The following PODN variants were observed in gnomAD, a reference collection of about 807,000 sequenced individuals.
The protein encoded by PODN is podocan proteoglycan.
In PODN, 40 loss-of-function variants were observed where a neutral mutation model predicts 52.7. That is an observed-to-expected ratio of 0.76 (90% CI 0.59 to 0.99). The LOEUF is 0.99. PODN is among the 50% of genes least tolerant of loss of function. The probability of loss-of-function intolerance (pLI) is 0.00; values close to 1 mark genes in which losing one functional copy is unlikely to be tolerated. For synonymous variants in PODN, 396 were observed against 377.9 expected, an observed-to-expected ratio of 1.05 and a Z score of -0.56; for missense variants, 720 against 815.1, an observed-to-expected ratio of 0.88 and a Z score of 1.42.
chr1:53,074,564 T>C, intron 3 of PODN, 42 bp from the exon 4 acceptor site: 1 of 1,610,730 alleles, frequency 6.2e-7, no homozygotes, highest in Admixed American at 1.7e-5. Context: ...CCCTGTGGCG[T>C]CTCCTCCATC....
chr1:53,073,538 C>T (rs1229531683), intron 3 of PODN: 1 of 152,340 alleles, frequency 6.6e-6, no homozygotes, highest in African/African-American at 2.4e-5. Flanking sequence ...CTTCCAGAAC[C>T]TTGTCACAGG....
rs369170940 is a variant in PODN at position 53,062,235 on chromosome 1, G to T, written c.-129G>T. ...CTTGACTTGAATGGAAGGAGCCCGA[G>T]CCCGCGGAGCGCAGCTGAGACTGGG... On this transcript the variant is annotated 5_prime_UTR_variant, in exon 1 of 11. Transcript: ENST00000312553. The T allele has an allele frequency of 5.5e-6, 7 of 1,274,594 alleles. No homozygotes were observed. The African/African-American group carries it at 1.1e-4, about 19-fold the overall frequency. 79.0% of individuals were successfully genotyped at this position (1,274,594 alleles called of 1,614,324 possible). A position where few individuals can be genotyped will look rare whatever the true frequency, so the allele number is the denominator to read the frequency against.
chr1:53,080,898 T>C, intron 9 of PODN, 22 bp downstream of exon 9: 1 of 1,612,666 alleles, frequency 6.2e-7, no homozygotes, highest in Non-Finnish European at 8.5e-7. Context: ...CTCGCGGCCC[T>C]GTACACACCC....
chr1:53,077,657 A>C (rs1644215489), intron 6 of PODN, 28 bp from the exon 7 acceptor site: 2 of 1,590,008 alleles, frequency 1.3e-6, no homozygotes, highest in African/African-American at 1.3e-5. Context: ...CTCCCTCACA[A>C]TCTCCTCCCT....
chr1:53,071,829 AAC>A (rs1217266954), intron 3 of PODN, among the ~76,000 whole-genome samples: 1 of 151,572 alleles, frequency 6.6e-6, no homozygotes, highest in Non-Finnish European at 1.5e-5. Flanking sequence ...TTGTTGCCTG[AAC>A]ACTACACGGA....
chr1:53,080,230 C>T (rs1185926449), intron 8 of PODN, among the ~76,000 whole-genome samples: 2 of 152,166 alleles, frequency 1.3e-5, no homozygotes, highest in African/African-American at 4.8e-5. Flanking sequence ...GACCTCTGCA[C>T]GTGTGGCCCC....
chr1:53,077,140 G>T, intron 5 of PODN, 50 bp from the exon 6 acceptor site: 2 of 1,594,780 alleles, frequency 1.3e-6, no homozygotes, highest in Non-Finnish European at 1.7e-6. Flanking sequence ...TTGAGCTGGC[G>T]CAGGGCCTGG....
intron 5 of PODN, 87 bp from the exon 6 acceptor site, chr1:53,077,103 C>T: frequency 6.6e-7 from 1 of 1,504,608 alleles, no homozygotes; most frequent in Admixed American, 1.9e-5. Flanking sequence ...GGAGAGCAGC[C>T]TGGGCAAGGG....
chr1:53,067,163 G>A (rs780314789), intron 1 of PODN, among the ~76,000 whole-genome samples: 4 of 152,222 alleles, frequency 2.6e-5, no homozygotes, highest in Admixed American at 6.5e-5. Context: ...TGCTGCTGCC[G>A]ACTGATCCCT....
At chr1:53,079,997 A>AT (rs1396198848) in intron 8 of PODN, among the ~76,000 whole-genome samples, 1 of 67,266 alleles carries the variant, frequency 1.5e-5, no homozygotes, top group East Asian at 3.1e-4. Flanking sequence ...GCTGTCTCAA[A>AT]TTAAAAAAAA....
chr1:53,078,862 G>A lies in PODN; in HGVS notation c.1352G>A (p.Arg451Gln), dbSNP rs372626429. The part of the protein sequence containing the change: ...RLHTLPPGLP[R>Q]NVHVLKVKRN... ...CACACGCTGCCACCTGGGCTGCCTCGAAATGTCCATGTGCTGAAGGTCAAG... is the reference window on the plus strand; with the variant it reads ...CACACGCTGCCACCTGGGCTGCCTCAAAATGTCCATGTGCTGAAGGTCAAG... Residue 451 changes from arginine (R) to glutamine (Q), a missense_variant, in exon 8 of 11, where the codon CGA (arginine) becomes CAA (glutamine). Transcript: ENST00000312553. The A allele has an allele frequency of 1.2e-5, 20 of 1,612,652 alleles. No individual in the cohort carries two copies. The highest frequency in any genetic ancestry group is 1.1e-4 in the East Asian group (5 of 44,882).
rs1644095799 is a variant in PODN, at chr1:53,070,127, CG to C, written c.277del (p.Asp93ThrfsTer33). 1.2e-6 allele frequency: 2 copies of C among 1,611,448 alleles called. No individual in the cohort carries two copies. The highest frequency in any genetic ancestry group is 8.5e-7 in the Non-Finnish European group (1 of 1,179,968). ...GGCGGTATTGACCTGCGTGAGTTCC[CG>C]GGGGACCTGCCTGAGCACACCAACC... ...DCGGIDLREF[P>X]GDLPEHTNHL... On this transcript the variant is annotated frameshift_variant, in exon 2 of 11. Coordinates refer to ENST00000312553, the MANE Select transcript of PODN (RefSeq NM_153703.5). LOFTEE classifies it high-confidence loss of function.
At chr1:53,070,207 C>A in intron 2 of PODN, 40 bp downstream of exon 2, 3 of 1,594,642 alleles carry the variant, frequency 1.9e-6, no homozygotes, top group Non-Finnish European at 2.5e-6. Context: ...GGGGCTGTCC[C>A]ACACACCCTT....
intron 1 of PODN, 68 bp downstream of exon 1, chr1:53,062,376 G>A (rs1643970363): frequency 4.5e-6 from 5 of 1,123,300 alleles, no homozygotes; most frequent in Admixed American, 4.3e-5. Context: ...GCACTCAGAC[G>A]TCCCCGCCTC....
At chr1:53,082,859 GCA>G (rs1165512494) in intron 10 of PODN, among the ~76,000 whole-genome samples, 11 of 152,152 alleles carry the variant, frequency 7.2e-5, no homozygotes, top group Non-Finnish European at 1.6e-4. Flanking sequence ...GTACATACGT[GCA>G]CACACGTGTG....
At position 53,078,507 on chromosome 1, in the gene PODN, C is replaced by T. The variant is rs765361432; in HGVS notation, c.997C>T (p.Arg333Cys). 1.1e-5 allele frequency: 17 copies of T among 1,613,194 alleles called. No individual in the cohort carries two copies. Among genetic ancestry groups the T allele is most frequent in the South Asian group, 3.3e-5 (3 of 91,088 alleles). The change falls in exon 8 of 11, where the codon CGC (arginine) becomes TGC (cysteine). Residue 333 changes from arginine to cysteine, a missense_variant. Transcript: ENST00000312553. ...SVDANVLTPIRSLEYLLLHSN... is the reference protein window; with the variant it reads ...SVDANVLTPICSLEYLLLHSN... Reference sequence around the variant, plus strand: ...GGACGCGAATGTGCTGACCCCCATCCGCAGCCTGGAGTACCTGCTGCTGCA... The same window carrying T: ...GGACGCGAATGTGCTGACCCCCATCTGCAGCCTGGAGTACCTGCTGCTGCA...
At chr1:53,084,228 C>T (rs2150309412) in intron 10 of PODN, among the ~76,000 whole-genome samples, 1 of 151,886 alleles carries the variant, frequency 6.6e-6, no homozygotes, top group South Asian at 2.1e-4. Flanking sequence ...CACCACAGCC[C>T]TCATGAGGGG....
intron 9 of PODN, among the ~76,000 whole-genome samples, chr1:53,081,347 C>T (rs1214055800): frequency 1.3e-5 from 2 of 152,200 alleles, no homozygotes; most frequent in African/African-American, 4.8e-5. Flanking sequence ...GGTGGTTCTT[C>T]CCAGCACTTC....
chr1:53,071,700 C>G, intron 3 of PODN, 72 bp downstream of exon 3: 1 of 1,429,250 alleles, frequency 7.0e-7, no homozygotes, highest in Non-Finnish European at 9.7e-7. Context: ...ATGCTGGGTG[C>G]CCAGGGGGAG....
Sources: allele counts gnomAD v4.1 joint callset (sites outside exome capture counted in the v4.1 genomes callset), GRCh38; gene constraint gnomAD v4.1.1; transcripts MANE v1.5; gene names NCBI Gene and HGNC (gene_info 2026-07-23, HGNC 2026-07-21).